VASH1: variants seen among roughly 807,000 people sequenced by gnomAD.
The protein encoded by VASH1 is tubulinyl-Tyr carboxypeptidase 1.
A neutral mutation model predicts 35.0 loss-of-function variants in VASH1; 16 were observed. That is an observed-to-expected ratio of 0.46 (90% confidence interval 0.31 to 0.70). The LOEUF (loss-of-function observed/expected upper bound fraction) is 0.70, where lower values mean the gene tolerates loss of function less well. Ranked by LOEUF, VASH1 falls within the 30% of genes least tolerant of loss-of-function variation. VASH1 has a pLI of 0.05. For synonymous variants in VASH1, 214 were observed against 200.9 expected (o/e 1.07, Z -0.55); for missense variants, 505 against 510.7 (o/e 0.99, Z 0.11).
At chr14:76,769,887 A>G in intron 1 of VASH1, 76 bp from the exon 2 acceptor site, 2 of 1,497,770 alleles carry the variant, frequency 1.3e-6, no homozygotes, top group South Asian at 1.1e-5. Flanking sequence ...CTCTGGGGCC[A>G]GTCCTAGGTG....
At chr14:76,767,452 G>T (rs1389916491) in intron 1 of VASH1, among the ~76,000 whole-genome samples, 5 of 152,008 alleles carry the variant, frequency 3.3e-5, no homozygotes, top group Non-Finnish European at 5.9e-5. Flanking sequence ...GACCCCTCCA[G>T]TGAGAATGTC....
chr14:76,762,590 C>G lies in VASH1; in HGVS notation c.-232C>G. On this transcript the variant is annotated 5_prime_UTR_variant, in exon 1 of 7. Coordinates refer to ENST00000167106, the MANE Select transcript of VASH1 (RefSeq NM_014909.5). Reference sequence around the variant, plus strand: ...TGTTCTCTTTATTCCGTTTTTCAAACAGAACAAGGCCTCCAAGGCTGACCC... The same window carrying G: ...TGTTCTCTTTATTCCGTTTTTCAAAGAGAACAAGGCCTCCAAGGCTGACCC... 1 of 397,574 alleles carries G rather than the reference C, an allele frequency of 2.5e-6. No individual in the cohort carries two copies. The highest frequency in any genetic ancestry group is 4.6e-6 in the Non-Finnish European group (1 of 218,768). The allele number at this position is 397,574 out of a possible 1,614,324, so 24.6% of individuals were successfully genotyped here. A position where few individuals can be genotyped will look rare whatever the true frequency, so the allele number is the denominator to read the frequency against.
intron 1 of VASH1, among the ~76,000 whole-genome samples, chr14:76,764,799 C>T (rs1893599457): frequency 6.6e-6 from 1 of 151,756 alleles, no homozygotes; most frequent in South Asian, 2.1e-4. Context: ...GATTCTCCTG[C>T]CTCAGCCTCC....
At chr14:76,765,431 G>T (rs923724474) in intron 1 of VASH1, among the ~76,000 whole-genome samples, 4 of 152,148 alleles carry the variant, frequency 2.6e-5, no homozygotes, top group Non-Finnish European at 5.9e-5. Flanking sequence ...TCTGCATGAG[G>T]TCCCTCCTCT....
chr14:76,770,232 C>A (rs778109608), intron 2 of VASH1, among the ~76,000 whole-genome samples, 181 bp downstream of exon 2: 1 of 152,140 alleles, frequency 6.6e-6, no homozygotes, highest in Non-Finnish European at 1.5e-5. Flanking sequence ...TCCTGGGTGT[C>A]GGAGGAATTT....
intron 1 of VASH1, 165 bp from the exon 2 acceptor site, chr14:76,769,798 G>A (rs1160337199): frequency 1.5e-5 from 11 of 736,596 alleles, no homozygotes; most frequent in Middle Eastern, 3.5e-4. Flanking sequence ...CCTGGCAAGA[G>A]TCTTCGAATG....
At chr14:76,775,825 C>G in intron 4 of VASH1, 67 bp from the exon 5 acceptor site, 1 of 1,482,558 alleles carries the variant, frequency 6.7e-7, no homozygotes, top group Non-Finnish European at 9.0e-7. Context: ...GGCTCCCGGT[C>G]CCAGTCCCTC....
At position 76,780,687 on chromosome 14, in the gene VASH1, T is replaced by C. The variant is rs549116863; in HGVS notation, c.*1669T>C. The C allele has an allele frequency of 3.3e-5, 5 of 152,292 alleles. No individual in the cohort carries two copies. In the East Asian group the frequency reaches 9.7e-4, roughly 29 times the overall value. 9.4% of individuals were successfully genotyped at this position (152,292 alleles called of 1,614,324 possible). On this transcript the variant is annotated 3_prime_UTR_variant, in exon 7 of 7. Transcript: ENST00000167106. ...CTGTGTTGCCAGATTGTCTGCTTTG[T>C]CAGAGGCCAGAATTCTGACTTTTTA...
chr14:76,775,391 A>G (rs923127687), intron 4 of VASH1, among the ~76,000 whole-genome samples: 5 of 151,738 alleles, frequency 3.3e-5, no homozygotes, highest in African/African-American at 1.2e-4. Context: ...GGCTGGGGGC[A>G]CCTCCCAGGC....
chr14:76,774,656 C>G (rs551563313), intron 4 of VASH1: 1 of 152,354 alleles, frequency 6.6e-6, no homozygotes, highest in African/African-American at 2.4e-5. Flanking sequence ...GTGGTTCTCA[C>G]GTCTTGTCCT....
chr14:76,778,043 C>A lies in VASH1; in HGVS notation c.997C>A (p.His333Asn), dbSNP rs1893993416. 2 of 1,520,548 alleles carry A rather than the reference C, an allele frequency of 1.3e-6. No homozygotes were observed. The highest frequency in any genetic ancestry group is 1.3e-5 in the South Asian group (1 of 78,796). The allele number at this position is 1,520,548 out of a possible 1,614,324, so 94.2% of individuals were successfully genotyped here. Residue 333 changes from histidine to asparagine, a missense_variant, in exon 6 of 7, where the codon CAC becomes AAC. His to Asn is a moderately conservative substitution (Grantham distance 68). Transcript: ENST00000167106. ...CCCGCAGCGGGCCCAGTCCAGCCCC[C>A]ACCGCAGGAACAGCCGCAGTGAAAG... ...SSPQRAQSSP[H>N]RRNSRSERRP...
intron 5 of VASH1, among the ~76,000 whole-genome samples, chr14:76,776,544 G>T (rs1014159564): frequency 6.6e-6 from 1 of 152,160 alleles, no homozygotes; most frequent in Admixed American, 6.5e-5. Flanking sequence ...TCTGGAGGGT[G>T]TGATCGGGTG....
Position 76,762,480 on chromosome 14 carries a change from C to T in VASH1, c.-342C>T. On this transcript the variant is annotated 5_prime_UTR_variant, in exon 1 of 7. Transcript: ENST00000167106. The stretch of plus-strand genomic sequence containing the variant: ...TGGCCTCAGTTTCCCTCCGACTTTT[C>T]TCCGCTCTGCCAGCCCTCACTGCTG... 1 of 194,544 alleles carries T rather than the reference C, an allele frequency of 5.1e-6. No individual in the cohort carries two copies. Among genetic ancestry groups the T allele is most frequent in the East Asian group, 1.3e-4 (1 of 7,988 alleles). 12.1% of individuals were successfully genotyped at this position (194,544 alleles called of 1,614,324 possible).
At chr14:76,776,638 G>T (rs955607761) in intron 5 of VASH1, among the ~76,000 whole-genome samples, 2 of 152,196 alleles carry the variant, frequency 1.3e-5, no homozygotes, top group African/African-American at 4.8e-5. Context: ...GGACTAGGAG[G>T]TGGTCAGAAG....
chr14:76,763,435 T>C (rs780874972), intron 1 of VASH1, among the ~76,000 whole-genome samples: 1 of 152,208 alleles, frequency 6.6e-6, no homozygotes, highest in African/African-American at 2.4e-5. Flanking sequence ...TCTCATTTGC[T>C]TGATGACACT....
At position 76,775,963 on chromosome 14, in the gene VASH1, A is replaced by G; in HGVS notation, c.602A>G (p.Tyr201Cys). The change falls in exon 5 of 7, where the codon TAC (tyrosine) becomes TGC (cysteine). Residue 201 changes from tyrosine (Y) to cysteine (C), a missense_variant. Transcript: ENST00000167106. ...ISFKTYFSGN[Y>C]FRHIVLGVNF... ...TTCAAGACCTACTTCTCAGGGAACT[A>G]CTTCCGCCACATCGTGCTGGGGGTG... 6.2e-7 allele frequency: 1 copy of G among 1,610,440 alleles called. No homozygotes were observed. Among genetic ancestry groups the G allele is most frequent in the Non-Finnish European group, 8.5e-7 (1 of 1,178,762 alleles).
chr14:76,762,943 G>A lies in VASH1; in HGVS notation c.122G>A (p.Arg41Lys), dbSNP rs1420636656. The A allele has an allele frequency of 1.3e-6, 2 of 1,568,084 alleles. No homozygotes were observed. Among genetic ancestry groups the A allele is most frequent in the African/African-American group, 1.3e-5 (1 of 74,274 alleles). Residue 41 changes from arginine (R) to lysine (K), a missense_variant, in exon 1 of 7, where the codon AGA becomes AAA. By Grantham distance (26) the Arg-to-Lys change is conservative (BLOSUM62 2). Transcript: ENST00000167106. ...ACCAGCGAAGGAACCTCAGCCCAGAGAGATGAGGAGCCAGAAGAGGAAGGG... is the reference window on the plus strand; with the variant it reads ...ACCAGCGAAGGAACCTCAGCCCAGAAAGATGAGGAGCCAGAAGAGGAAGGG... ...LETSEGTSAQ[R>K]DEEPEEEGEE...
chr14:76,762,890 C>G lies in VASH1; in HGVS notation c.69C>G (p.Thr23=), dbSNP rs772083166. 1.0e-5 allele frequency: 16 copies of G among 1,554,954 alleles called. No homozygotes were observed. Among genetic ancestry groups the G allele is most frequent in the Non-Finnish European group, 1.4e-5 (16 of 1,150,392 alleles). The change falls in exon 1 of 7, where the codon ACC becomes ACG. Residue 23 remains threonine (T), a synonymous_variant. Coordinates refer to ENST00000167106, the MANE Select transcript of VASH1 (RefSeq NM_014909.5). ...CCACTCCAACGTCCGCTGCGGCCAC[C>G]GCCCCCTCTGGGGTCAGGCGTTTGG... is the stretch of plus-strand genomic sequence containing the variant. ...SGATPTSAAA[T]APSGVRRLET...
Position 76,782,663 on chromosome 14 carries a change from GCCAGCTTCCTTAGA to G in VASH1, c.*3650_*3663del, listed in dbSNP as rs1175371032. On this transcript the variant is annotated 3_prime_UTR_variant, in exon 7 of 7. Coordinates refer to ENST00000167106, the MANE Select transcript of VASH1 (RefSeq NM_014909.5). ...CCCCCGCCAGGTACCATCGCCTCCTGCCAGCTTCCTTAGACCAGGCAGGGCTGCCATGGTGCTAG... is the reference window on the plus strand; with the variant it reads ...CCCCCGCCAGGTACCATCGCCTCCTGCCAGGCAGGGCTGCCATGGTGCTAG... 1 of 152,486 alleles carries G rather than the reference GCCAGCTTCCTTAGA, an allele frequency of 6.6e-6. No homozygotes were observed. Among genetic ancestry groups the G allele is most frequent in the Non-Finnish European group, 1.5e-5 (1 of 68,128 alleles). 9.4% of individuals were successfully genotyped at this position (152,486 alleles called of 1,614,324 possible). A position where few individuals can be genotyped will look rare whatever the true frequency, so the allele number is the denominator to read the frequency against.
Sources: gnomAD v4.1 joint callset for allele counts (sites outside exome capture counted in the v4.1 genomes callset) on GRCh38, gnomAD v4.1.1 for gene constraint, MANE v1.5 for transcripts, NCBI Gene and HGNC (gene_info 2026-07-23, HGNC 2026-07-21) for gene names.